CDC45: variants seen among roughly 807,000 people sequenced by gnomAD.
CDC45 encodes the protein cell division cycle 45, also known as cell division control protein 45 homolog.
Under a neutral mutation model 77.8 loss-of-function variants are expected in CDC45, and 54 were observed. That is an observed-to-expected ratio of 0.69 (90% CI 0.56 to 0.87). CDC45 has a LOEUF of 0.87. CDC45 is among the 40% of genes least tolerant of loss of function. CDC45 has a pLI of 0.00. For missense variants in CDC45, 649 were observed against 721.6 expected (o/e 0.90, Z 1.15); for synonymous variants, 260 against 272.1 (o/e 0.96, Z 0.44).
chr22:19,519,040 G>C, intron 18 of CDC45, 131 bp downstream of exon 18: 2 of 725,564 alleles, frequency 2.8e-6, no homozygotes, highest in South Asian at 1.6e-5. Context: ...CTTGAGATTG[G>C]AGCCAACACA....
In CDC45 at chr22:19,516,656, T is replaced by C. The variant is rs1933809385; in HGVS notation, c.1559+11T>C. On this transcript the variant is annotated intron_variant, in intron 16 of 18. Coordinates refer to ENST00000263201, the MANE Select transcript of CDC45 (RefSeq NM_003504.5). ...CTCGGACAGGAAGAAGTGAGCAGCT[T>C]CCACTCGTCCTGGGACTGGAGGGTC... is the stretch of plus-strand genomic sequence containing the variant. 1 of 1,604,572 alleles carries C rather than the reference T, an allele frequency of 6.2e-7. No homozygotes were observed. The highest frequency in any genetic ancestry group is 1.3e-5 in the African/African-American group (1 of 74,388).
rs141041145 is a variant in CDC45, at chr22:19,480,009, T to C, written c.41T>C (p.Val14Ala). 1.1e-5 allele frequency: 18 copies of C among 1,613,646 alleles called. No homozygotes were observed. Among genetic ancestry groups the C allele is most frequent in the Admixed American group, 1.7e-5 (1 of 59,992 alleles). Residue 14 changes from valine (V) to alanine (A), a missense_variant, in exon 1 of 19, where the codon GTC becomes GCC. Transcript: ENST00000263201. ...SDFRKEFYEV[V>A]QSQRVLLFVA... is the part of the protein sequence containing the mutation. ...TTCCGCAAAGAGTTCTACGAGGTGG[T>C]CCAGAGCCAGGTGACGCCCAGTCCG...
In CDC45 at chr22:19,489,694, C is replaced by T. The variant is rs560958657; in HGVS notation, c.487-4633C>T. Among the ~76,000 whole-genome samples the T allele has an allele frequency of 2.6e-5, 4 of 152,254 alleles. 1 individual carries two copies. The highest frequency in any genetic ancestry group is 2.1e-4 in the South Asian group (1 of 4,826). ...TATTTCTGCGTGCTAGCCATAAATA[C>T]GTGGACACCAAAATTTAAAATACAG... On this transcript the variant is annotated intron_variant, in intron 5 of 18. Coordinates refer to ENST00000263201, the MANE Select transcript of CDC45 (RefSeq NM_003504.5).
chr22:19,514,009 T>G (rs768575954), intron 13 of CDC45, among the ~76,000 whole-genome samples: 5 of 152,256 alleles, frequency 3.3e-5, no homozygotes, highest in South Asian at 2.1e-4. Flanking sequence ...AACTCTTCCT[T>G]TTTCATAGCA....
intron 5 of CDC45, among the ~76,000 whole-genome samples, chr22:19,491,920 C>T (rs1036296473): frequency 1.3e-5 from 2 of 152,014 alleles, no homozygotes; most frequent in Non-Finnish European, 2.9e-5. Context: ...AATTCTGCCT[C>T]AGCCTCCTGA....
At chr22:19,508,865 C>T (rs968137799) in intron 13 of CDC45, among the ~76,000 whole-genome samples, 174 bp downstream of exon 13, 1 of 152,024 alleles carries the variant, frequency 6.6e-6, no homozygotes, top group East Asian at 1.9e-4. Context: ...ATTACCTGCC[C>T]CTCTTCAGTA....
At chr22:19,514,200 C>G (rs1056120984) in intron 13 of CDC45, among the ~76,000 whole-genome samples, 7 of 152,332 alleles carry the variant, frequency 4.6e-5, no homozygotes, top group African/African-American at 1.7e-4. Flanking sequence ...ATTGTGGACC[C>G]TTGGCTGGGC....
intron 6 of CDC45, among the ~76,000 whole-genome samples, chr22:19,495,448 A>C (rs963697835): frequency 1.2e-4 from 18 of 152,238 alleles, no homozygotes; most frequent in African/African-American, 3.9e-4. Context: ...ATTCTGAACT[A>C]TACCACTTTA....
At chr22:19,480,795 A>G (rs1356885608) in intron 2 of CDC45, among the ~76,000 whole-genome samples, 158 bp from the exon 3 acceptor site, 1 of 152,228 alleles carries the variant, frequency 6.6e-6, no homozygotes, top group Non-Finnish European at 1.5e-5. Flanking sequence ...GTAAACGCTC[A>G]TATCCCTAGC....
At chr22:19,488,163 T>C (rs1049547718) in intron 5 of CDC45, among the ~76,000 whole-genome samples, 1 of 152,238 alleles carries the variant, frequency 6.6e-6, no homozygotes, top group African/African-American at 2.4e-5. Flanking sequence ...TTAACCTCTG[T>C]GTGCCATTGT....
At chr22:19,497,333 A>G (rs370219100) in intron 7 of CDC45, 53 bp from the exon 8 acceptor site, 6 of 1,549,440 alleles carry the variant, frequency 3.9e-6, no homozygotes, top group African/African-American at 1.4e-5. Flanking sequence ...TGCATGGCCC[A>G]GCCCCAGCAC....
chr22:19,494,593 G>T (rs910868701), intron 6 of CDC45: 1 of 1,544,488 alleles, frequency 6.5e-7, no homozygotes, highest in East Asian at 2.4e-5. Flanking sequence ...ACAGCCCCAA[G>T]GTCTCCCAGG....
Position 19,514,813 on chromosome 22 carries a change from C to G in CDC45, c.1282C>G (p.Gln428Glu). 3 of 1,614,180 alleles carry G rather than the reference C, an allele frequency of 1.9e-6. No individual in the cohort carries two copies. The highest frequency in any genetic ancestry group is 2.5e-6 in the Non-Finnish European group (3 of 1,180,030). ...CAAGAAGCAGCTGCGAGCCACCCAG[C>G]AGACCATTGCCAGCTGCCTTTGCAC... is the stretch of plus-strand genomic sequence containing the variant. The part of the protein sequence containing the change: ...LAKKQLRATQ[Q>E]TIASCLCTNL... The change falls in exon 14 of 19, where the codon CAG (glutamine) becomes GAG (glutamate). Residue 428 changes from glutamine to glutamate, a missense_variant. By Grantham distance (29) the Gln-to-Glu change is conservative (BLOSUM62 2). Coordinates refer to ENST00000263201, the MANE Select transcript of CDC45 (RefSeq NM_003504.5).
intron 5 of CDC45, among the ~76,000 whole-genome samples, chr22:19,492,021 G>T (rs1210375228): frequency 6.6e-6 from 1 of 152,070 alleles, no homozygotes; most frequent in Non-Finnish European, 1.5e-5. Flanking sequence ...GGCCAGGCTG[G>T]TCTCAAACTC....
chr22:19,511,982 A>G (rs950241466), intron 13 of CDC45, among the ~76,000 whole-genome samples: 2 of 144,872 alleles, frequency 1.4e-5, no homozygotes, highest in Admixed American at 7.2e-5. Context: ...ATGCAGTGGC[A>G]TGATTTCCAC....
chr22:19,511,921 T>G (rs1270804879), intron 13 of CDC45, among the ~76,000 whole-genome samples: 1 of 92,248 alleles, frequency 1.1e-5, no homozygotes, highest in Non-Finnish European at 2.4e-5. Context: ...ACTGGAGGTT[T>G]TTTTTTTTTT....
At chr22:19,499,918 C>T (rs2090311316) in intron 9 of CDC45, among the ~76,000 whole-genome samples, 1 of 152,168 alleles carries the variant, frequency 6.6e-6, no homozygotes, top group African/African-American at 2.4e-5. Context: ...CTGGTCTCCT[C>T]ATGCAGTTTG....
rs112060234 is a variant in CDC45 at position 19,493,239 on chromosome 22, G to GTTTTGTTTTGTTTTGTTTTGTTTTGTT, written c.487-1086_487-1085insTTGTTTTGTTTTGTTTTGTTTTGTTTT. 1.1e-4 allele frequency among the ~76,000 whole-genome samples: 16 copies of GTTTTGTTTTGTTTTGTTTTGTTTTGTT among 146,900 alleles called. 1 individual carries two copies. In the South Asian group the frequency reaches 2.0e-3, roughly 18 times the overall value. ...GCAGCTTTTGTGGGTTTTTTTTTTTGTTGTTTTGTTTTGTTTTGTTTTGTT... is the reference window on the plus strand; with the variant it reads ...GCAGCTTTTGTGGGTTTTTTTTTTTGTTTTGTTTTGTTTTGTTTTGTTTTGTTTTGTTTTGTTTTGTTTTGTTTTGTT... On this transcript the variant is annotated intron_variant, in intron 5 of 18. Transcript: ENST00000263201.
intron 4 of CDC45, 50 bp from the exon 5 acceptor site, chr22:19,483,812 G>A (rs766617270): frequency 1.9e-6 from 3 of 1,547,200 alleles, no homozygotes; most frequent in Admixed American, 1.8e-5. Context: ...ATATTGTATA[G>A]TTTTCCGTAG....
Sources: gnomAD v4.1 joint callset for allele counts (sites outside exome capture counted in the v4.1 genomes callset) on GRCh38, gnomAD v4.1.1 for gene constraint, MANE v1.5 for transcripts, NCBI Gene and HGNC (gene_info 2026-07-23, HGNC 2026-07-21) for gene names.